RIGI: variants seen among roughly 807,000 people sequenced by gnomAD.
RIGI encodes the protein RNA sensor RIG-I.
chr9:32,461,044 GA>G, the RIGI span, among the ~76,000 whole-genome samples: 5,079 of 145,498 alleles, frequency 0.035, 90 homozygotes, highest in African/African-American at 0.044. Context: ...AAAGCAGCCA[GA>G]AAAAAAAAAA....
the RIGI span, among the ~76,000 whole-genome samples, chr9:32,492,700 G>A: frequency 3.3e-5 from 5 of 152,256 alleles, no homozygotes; most frequent in African/African-American, 1.2e-4. Flanking sequence ...ATCCAACACA[G>A]TCTTTTAAGA....
chr9:32,484,892 A>T, the RIGI span, among the ~76,000 whole-genome samples: 3 of 152,288 alleles, frequency 2.0e-5, no homozygotes, highest in African/African-American at 7.2e-5. Context: ...TCAGGAGGGA[A>T]AGCTGATTTA....
chr9:32,521,139 CAAAAAAAAAAA>C, the RIGI span, among the ~76,000 whole-genome samples: 2 of 32,776 alleles, frequency 6.1e-5, no homozygotes, highest in South Asian at 2.3e-3. Flanking sequence ...GACACCATCT[CAAAAAAAAAAA>C]AAAAAAAAAA....
chr9:32,478,365 T>G, the RIGI span, among the ~76,000 whole-genome samples: 1 of 151,470 alleles, frequency 6.6e-6, no homozygotes, highest in Non-Finnish European at 1.5e-5. Flanking sequence ...TTTTATTACT[T>G]TTTACAATTA....
chr9:32,504,931 A>G, the RIGI span, among the ~76,000 whole-genome samples: 1 of 131,444 alleles, frequency 7.6e-6, no homozygotes, highest in East Asian at 2.0e-4. Flanking sequence ...ATATATAGAT[A>G]TAATATATAT....
the RIGI span, among the ~76,000 whole-genome samples, chr9:32,510,702 G>A: frequency 4.9e-4 from 75 of 152,252 alleles, 1 homozygote; most frequent in African/African-American, 1.8e-3. Flanking sequence ...TAACCAGCTA[G>A]CATCATAATG....
At chr9:32,508,241 T>TTTTTTTA in the RIGI span, among the ~76,000 whole-genome samples, 4 of 129,262 alleles carry the variant, frequency 3.1e-5, no homozygotes, top group Non-Finnish European at 6.5e-5. Context: ...TTTACTTAAT[T>TTTTTTTA]TTTTTTTTTT....
chr9:32,465,771 T>C, the RIGI span, among the ~76,000 whole-genome samples: 23 of 152,292 alleles, frequency 1.5e-4, no homozygotes, highest in African/African-American at 5.5e-4. Context: ...GGAGAAAGTA[T>C]GGGTATGTGT....
chr9:32,473,961 T>C, the RIGI span, among the ~76,000 whole-genome samples: 2 of 152,022 alleles, frequency 1.3e-5, no homozygotes, highest in African/African-American at 2.4e-5. Context: ...CGGGGAGGCA[T>C]AGGTTGCAGT....
the RIGI span, among the ~76,000 whole-genome samples, chr9:32,474,931 A>G: frequency 1.3e-5 from 2 of 152,036 alleles, no homozygotes; most frequent in Admixed American, 6.5e-5. Flanking sequence ...TTCCTCCCCA[A>G]TTTTATCTTT....
At chr9:32,522,570 G>A in the RIGI span, among the ~76,000 whole-genome samples, 9 of 152,184 alleles carry the variant, frequency 5.9e-5, no homozygotes, top group Non-Finnish European at 1.2e-4. Context: ...AATAAGCCAA[G>A]TATATGTAAC....
the RIGI span, among the ~76,000 whole-genome samples, chr9:32,519,631 A>T: frequency 1.4e-4 from 21 of 152,214 alleles, no homozygotes; most frequent in African/African-American, 5.1e-4. Flanking sequence ...GCGGTTTCAG[A>T]TCTTTTCCTT....
At chr9:32,510,494 T>A in the RIGI span, among the ~76,000 whole-genome samples, 1 of 152,078 alleles carries the variant, frequency 6.6e-6, no homozygotes, top group Non-Finnish European at 1.5e-5. Context: ...AACTAAGATT[T>A]ATAAGCAAAG....
the RIGI span, among the ~76,000 whole-genome samples, chr9:32,468,345 A>G: frequency 6.6e-6 from 1 of 152,234 alleles, no homozygotes; most frequent in Non-Finnish European, 1.5e-5. Flanking sequence ...TATAGGTCAA[A>G]GGGTAAGTGC....
the RIGI span, among the ~76,000 whole-genome samples, chr9:32,517,520 CA>C: frequency 6.6e-6 from 1 of 152,170 alleles, no homozygotes; most frequent in Non-Finnish European, 1.5e-5. Flanking sequence ...CTTTAATAAA[CA>C]AGCTGTCTTT....
chr9:32,460,863 A>C, the RIGI span, among the ~76,000 whole-genome samples: 99 of 152,348 alleles, frequency 6.5e-4, no homozygotes, highest in African/African-American at 2.2e-3. Flanking sequence ...AAGAAAGAGC[A>C]GGGCTTAAAA....
the RIGI span, among the ~76,000 whole-genome samples, chr9:32,488,423 A>G: frequency 0.35 from 53,647 of 152,046 alleles, 10,030 homozygotes; most frequent in South Asian, 0.48. Flanking sequence ...TAAGTCACTA[A>G]GAGAGAAAAG....
the RIGI span, among the ~76,000 whole-genome samples, chr9:32,492,158 G>A: frequency 6.6e-6 from 1 of 152,148 alleles, no homozygotes; most frequent in South Asian, 2.1e-4. Context: ...GGCCAGATGG[G>A]CTAATTCTGG....
chr9:32,474,214 A>AG, the RIGI span, among the ~76,000 whole-genome samples: 1 of 151,534 alleles, frequency 6.6e-6, no homozygotes, highest in East Asian at 1.9e-4. Flanking sequence ...AAAAAAAAAA[A>AG]AAAAAAAAAA....
Sources: allele counts gnomAD v4.1 joint callset (sites outside exome capture counted in the v4.1 genomes callset), GRCh38; gene constraint gnomAD v4.1.1; transcripts MANE v1.5; gene names NCBI Gene and HGNC (gene_info 2026-07-23, HGNC 2026-07-21).